The following SLC35F3 variants were observed in gnomAD, a reference collection of about 807,000 sequenced individuals.
SLC35F3 encodes the protein putative thiamine transporter SLC35F3.
A neutral mutation model predicts 49.9 loss-of-function variants in SLC35F3; 25 were observed. The ratio of observed to expected loss-of-function variants is 0.50; its 90% CI spans 0.37 to 0.70. The LOEUF (loss-of-function observed/expected upper bound fraction) is 0.70, where lower values mean the gene tolerates loss of function less well. SLC35F3 is among the 30% of genes least tolerant of loss of function. SLC35F3 has a pLI of 0.00. For missense variants in SLC35F3, 525 were observed against 639.8 expected (o/e 0.82, Z 1.94); for synonymous variants, 275 against 265.4 (o/e 1.04, Z -0.35).
At chr1:234,158,771 TG>T (rs1200275750) in intron 2 of SLC35F3, among the ~76,000 whole-genome samples, 1 of 152,220 alleles carries the variant, frequency 6.6e-6, no homozygotes, top group Non-Finnish European at 1.5e-5. Context: ...TCATTCTCTT[TG>T]TATTTTGTCA....
At chr1:234,104,076 T>C (rs2102883691) in intron 2 of SLC35F3, among the ~76,000 whole-genome samples, 1 of 152,344 alleles carries the variant, frequency 6.6e-6, no homozygotes, top group South Asian at 2.1e-4. Flanking sequence ...GGAAATTTGT[T>C]ATTACCTTAG....
At chr1:234,254,500 C>T (rs983133566) in intron 3 of SLC35F3, among the ~76,000 whole-genome samples, 1 of 152,058 alleles carries the variant, frequency 6.6e-6, no homozygotes, top group African/African-American at 2.4e-5. Context: ...GAAGCACAAA[C>T]GTTATGAAGA....
chr1:234,281,094 C>T (rs1374692114), intron 3 of SLC35F3, among the ~76,000 whole-genome samples: 1 of 151,694 alleles, frequency 6.6e-6, no homozygotes, highest in Non-Finnish European at 1.5e-5. Context: ...CCCCCCCATG[C>T]TCAAATTCAT....
At chr1:234,241,234 T>C (rs1667549427) in intron 3 of SLC35F3, among the ~76,000 whole-genome samples, 1 of 152,218 alleles carries the variant, frequency 6.6e-6, no homozygotes. Flanking sequence ...TAACCCACTT[T>C]CCTGCCACAT....
At chr1:234,083,841 T>C (rs1161828464) in intron 2 of SLC35F3, among the ~76,000 whole-genome samples, 65 of 22,990 alleles carry the variant, frequency 2.8e-3, no homozygotes, top group Non-Finnish European at 0.013. Context: ...GGTTTTGGCT[T>C]TTTTTTTTTT....
intron 3 of SLC35F3, among the ~76,000 whole-genome samples, chr1:234,259,866 T>C (rs1667876349): frequency 6.6e-6 from 1 of 152,056 alleles, no homozygotes; most frequent in Non-Finnish European, 1.5e-5. Flanking sequence ...TATCTTTGTT[T>C]TGATGCTCTT....
intron 2 of SLC35F3, among the ~76,000 whole-genome samples, chr1:233,980,303 G>A (rs1202707779): frequency 6.6e-6 from 1 of 152,212 alleles, no homozygotes; most frequent in Non-Finnish European, 1.5e-5. Flanking sequence ...GCTCTCAAAA[G>A]CCTCACAATA....
Position 234,267,339 on chromosome 1 carries a change from T to C in SLC35F3, c.608+35598T>C, listed in dbSNP as rs1462773597. ...ATTTTTTCCCCACCCTTCCCGCCTT[T>C]CTATTCCACAAAACCGCCATTGTCA... On this transcript the variant is annotated intron_variant, in intron 3 of 7. Transcript: ENST00000366618. Among the ~76,000 whole-genome samples, 3 of 139,642 alleles carry C rather than the reference T, an allele frequency of 2.1e-5. No homozygotes were observed. In the East Asian group the frequency reaches 6.3e-4, roughly 29 times the overall value. The allele number at this position is 139,642 out of a possible 152,430, so 91.6% of individuals were successfully genotyped here. A position where few individuals can be genotyped will look rare whatever the true frequency, so the allele number is the denominator to read the frequency against.
intron 3 of SLC35F3, among the ~76,000 whole-genome samples, chr1:234,291,249 A>C (rs538965580): frequency 1.5e-4 from 23 of 152,336 alleles, no homozygotes; most frequent in African/African-American, 5.5e-4. Flanking sequence ...GCTAACGTGC[A>C]CACATTAGGG....
At chr1:234,073,327 G>A (rs1316877976) in intron 2 of SLC35F3, among the ~76,000 whole-genome samples, 1 of 151,972 alleles carries the variant, frequency 6.6e-6, no homozygotes, top group African/African-American at 2.4e-5. Context: ...AAAAAATTTT[G>A]TAGAGATGGG....
rs141421897 is a variant in SLC35F3 at position 234,309,166 on chromosome 1, C to A, written c.674C>A (p.Pro225His). 1 of 1,614,128 alleles carries A rather than the reference C, an allele frequency of 6.2e-7. No individual in the cohort carries two copies. Among genetic ancestry groups the A allele is most frequent in the Non-Finnish European group, 8.5e-7 (1 of 1,180,030 alleles). ...AAGGTGTTTTTTACCAAGGCAGCACCCTTTGGTGTTCTTTGGACACTCACA... is the reference window on the plus strand; with the variant it reads ...AAGGTGTTTTTTACCAAGGCAGCACACTTTGGTGTTCTTTGGACACTCACA... ...TLKVFFTKAA[P>H]FGVLWTLTNY... Residue 225 changes from proline (P) to histidine (H), a missense_variant, in exon 4 of 8, where the codon CCC becomes CAC. By Grantham distance (77) the Pro-to-His change is moderately conservative. Transcript: ENST00000366618.
intron 2 of SLC35F3, among the ~76,000 whole-genome samples, chr1:233,959,757 T>C (rs139076700): frequency 6.6e-6 from 1 of 152,354 alleles, no homozygotes; most frequent in Non-Finnish European, 1.5e-5. Context: ...GATTTCTTTG[T>C]TGGTGGCAGA....
At chr1:233,932,227 A>G (rs1011193472) in intron 2 of SLC35F3, among the ~76,000 whole-genome samples, 3 of 152,234 alleles carry the variant, frequency 2.0e-5, no homozygotes, top group South Asian at 2.1e-4. Flanking sequence ...GCAAACCACC[A>G]TGGCATTTCT....
At chr1:234,115,704 G>C (rs1665475865) in intron 2 of SLC35F3, among the ~76,000 whole-genome samples, 1 of 152,186 alleles carries the variant, frequency 6.6e-6, no homozygotes, top group African/African-American at 2.4e-5. Context: ...TGAACCATTT[G>C]AGAACAAGCC....
intron 2 of SLC35F3, among the ~76,000 whole-genome samples, chr1:234,059,638 A>T (rs375903248): frequency 4.4e-5 from 5 of 114,680 alleles, no homozygotes; most frequent in Non-Finnish European, 8.9e-5. Context: ...ATAGACATAG[A>T]CATAGACATA....
chr1:234,098,118 G>A (rs1395395000), intron 2 of SLC35F3, among the ~76,000 whole-genome samples: 3 of 149,060 alleles, frequency 2.0e-5, no homozygotes, highest in Admixed American at 6.6e-5. Flanking sequence ...TGTTAGTGGT[G>A]GTGGTGGTGG....
intron 2 of SLC35F3, among the ~76,000 whole-genome samples, chr1:233,964,197 C>G (rs1176861765): frequency 1.3e-5 from 2 of 152,270 alleles, no homozygotes; most frequent in East Asian, 3.9e-4. Context: ...CTGAATTCTT[C>G]CCAGGTGTGG....
chr1:234,062,029 C>A (rs978215207), intron 2 of SLC35F3, among the ~76,000 whole-genome samples: 15 of 152,188 alleles, frequency 9.9e-5, no homozygotes, highest in Admixed American at 9.8e-4. Flanking sequence ...TCTTATATGT[C>A]TCACAATATT....
chr1:234,188,237 C>CAAAAA (rs112150679), intron 2 of SLC35F3, among the ~76,000 whole-genome samples: 36 of 119,320 alleles, frequency 3.0e-4, no homozygotes, highest in South Asian at 1.4e-3. Flanking sequence ...AACTCCGCCT[C>CAAAAA]AAAAAAAAAA....
Sources: allele counts gnomAD v4.1 joint callset (sites outside exome capture counted in the v4.1 genomes callset), GRCh38; gene constraint gnomAD v4.1.1; transcripts MANE v1.5; gene names NCBI Gene and HGNC (gene_info 2026-07-23, HGNC 2026-07-21).